The following COG4 variants were observed in gnomAD, a reference collection of about 807,000 sequenced individuals.
COG4 encodes the protein component of oligomeric golgi complex 4.
Under a neutral mutation model 95.1 loss-of-function variants are expected in COG4, and 65 were observed. The observed-to-expected ratio is 0.68, with a 90% CI of 0.56 to 0.84. COG4 has a LOEUF of 0.84. Among genes scored for constraint, COG4 ranks in the 40% least tolerant of loss-of-function variants. The probability of loss-of-function intolerance (pLI) is 0.00; values close to 1 mark genes in which losing one functional copy is unlikely to be tolerated. For missense variants in COG4, 1,045 were observed against 989.1 expected, an observed-to-expected ratio of 1.06 and a Z score of -0.76; for synonymous variants, 421 against 374.8, an observed-to-expected ratio of 1.12 and a Z score of -1.42.
At chr16:70,497,065 C>T (rs548618197) in intron 11 of COG4, among the ~76,000 whole-genome samples, 156 bp downstream of exon 11, 25 of 152,290 alleles carry the variant, frequency 1.6e-4, no homozygotes, top group Admixed American at 5.9e-4. Flanking sequence ...TGACCAACAG[C>T]TTCCTGGAGC....
intron 12 of COG4, 57 bp downstream of exon 12, chr16:70,496,209 T>C (rs951045514): frequency 8.2e-6 from 13 of 1,587,122 alleles, no homozygotes; most frequent in Non-Finnish European, 8.7e-6. Flanking sequence ...GGCTTAGCAG[T>C]GATAGCGTAA....
Position 70,514,464 on chromosome 16 carries a change from G to A in COG4, c.415C>T (p.Leu139=), listed in dbSNP as rs2049780903. ...AIQRADDILD[L]KFCMDGVQTA... ...TGAACTCCATCCATGCAGAACTTCA[G>A]GTCCAAGATGTCATCAGCTCTCTGA... The change falls in exon 4 of 19, where the codon CTG becomes TTG. Residue 139 remains leucine (L), a synonymous_variant. Transcript: ENST00000323786. 1 of 1,614,014 alleles carries A rather than the reference G, an allele frequency of 6.2e-7. No homozygotes were observed. The highest frequency in any genetic ancestry group is 1.7e-5 in the Admixed American group (1 of 59,986).
chr16:70,522,914 C>G (rs1248517251), intron 1 of COG4, among the ~76,000 whole-genome samples: 1 of 152,158 alleles, frequency 6.6e-6, no homozygotes, highest in East Asian at 1.9e-4. Flanking sequence ...AATCACACCC[C>G]CAAATCACTC....
At chr16:70,481,963 G>A (rs945038367) in intron 16 of COG4, 98 bp from the exon 17 acceptor site, 3 of 1,356,560 alleles carry the variant, frequency 2.2e-6, no homozygotes, top group Non-Finnish European at 3.2e-6. Flanking sequence ...AGGCCACGGG[G>A]GAGTTTCTAC....
At chr16:70,490,805 GC>G (rs2049228279) in intron 12 of COG4, among the ~76,000 whole-genome samples, 1 of 151,634 alleles carries the variant, frequency 6.6e-6, no homozygotes, top group Non-Finnish European at 1.5e-5. Context: ...GACAACAGGC[GC>G]CCGCCACTAC....
At chr16:70,487,400 C>T (rs2049160745) in intron 13 of COG4, among the ~76,000 whole-genome samples, 1 of 152,070 alleles carries the variant, frequency 6.6e-6, no homozygotes. Context: ...AGTTCGAGAC[C>T]AGCCTGGCCA....
At chr16:70,515,578 G>A (rs1462729233) in intron 3 of COG4, among the ~76,000 whole-genome samples, 7 of 152,088 alleles carry the variant, frequency 4.6e-5, no homozygotes, top group East Asian at 3.9e-4. Context: ...CAGCTACTCG[G>A]GAGGCTGAGA....
intron 8 of COG4, among the ~76,000 whole-genome samples, chr16:70,503,907 T>A (rs2049506080): frequency 6.6e-6 from 1 of 152,172 alleles, no homozygotes. Flanking sequence ...TCCTACTTAC[T>A]CTTAAGGTCT....
intron 8 of COG4, among the ~76,000 whole-genome samples, chr16:70,502,151 G>A (rs1217866221): frequency 4.6e-5 from 7 of 151,356 alleles, no homozygotes; most frequent in Non-Finnish European, 8.8e-5. Context: ...GTGTGGTGGC[G>A]CATGCCTGTA....
chr16:70,500,987 T>A lies in COG4; in HGVS notation c.1166A>T (p.Asp389Val), dbSNP rs754786336. 1.9e-6 allele frequency: 3 copies of A among 1,613,980 alleles called. No homozygotes were observed. Among genetic ancestry groups the A allele is most frequent in the Admixed American group, 3.3e-5 (2 of 59,990 alleles). ...KRISSDFEVG[D>V]SMASEEVKQE... ...CTTTACTTCCTCTGAGGCCATGGAG[T>A]CTCCCACCTCAAAATCAGAGCTAAT... Residue 389 changes from aspartate to valine, a missense_variant, in exon 9 of 19, where the codon GAC (aspartate) becomes GTC (valine). By Grantham distance (152) the Asp-to-Val change is radical. Coordinates refer to ENST00000323786, the MANE Select transcript of COG4 (RefSeq NM_015386.3).
At chr16:70,508,891 C>A in intron 7 of COG4, 1 of 536,272 alleles carries the variant, frequency 1.9e-6, no homozygotes, top group Non-Finnish European at 3.5e-6. Flanking sequence ...ATTACTTGGA[C>A]ACTTAATAGG....
In COG4 at chr16:70,491,457, G is replaced by T. The variant is rs1204037369; in HGVS notation, c.1648-1065C>A. ...ATCGCTTGAACCTGGGAGATGAGAG[G>T]TTGCAGTGAGCTGAAATTGTGTCAC... is the stretch of plus-strand genomic sequence containing the variant. On this transcript the variant is annotated intron_variant, in intron 12 of 18. Coordinates refer to ENST00000323786, the MANE Select transcript of COG4 (RefSeq NM_015386.3). Among the ~76,000 whole-genome samples the T allele has an allele frequency of 2.2e-5, 3 of 136,102 alleles. No individual in the cohort carries two copies. In the South Asian group the frequency reaches 7.5e-4, roughly 34 times the overall value. The allele number at this position is 136,102 out of a possible 152,430, so 89.3% of individuals were successfully genotyped here.
rs545327281 is a variant in COG4, at chr16:70,484,679, C to T, written c.1711-710G>A. ...ACTTTGGGAGGCCAAGGTGCAAGGA[C>T]CACTTGCGGCCAGAGTTTAAGAACA... is the stretch of plus-strand genomic sequence containing the variant. On this transcript the variant is annotated intron_variant, in intron 13 of 18. Coordinates refer to ENST00000323786, the MANE Select transcript of COG4 (RefSeq NM_015386.3). 7.9e-5 allele frequency among the ~76,000 whole-genome samples: 12 copies of T among 152,142 alleles called. No individual in the cohort carries two copies. The East Asian group carries it at 2.3e-3, about 29-fold the overall frequency.
At chr16:70,501,587 C>G (rs933401557) in intron 8 of COG4, 2 of 162,944 alleles carry the variant, frequency 1.2e-5, no homozygotes, top group Admixed American at 1.2e-4. Flanking sequence ...ATCTCCTGAC[C>G]TCGTGATCCG....
intron 6 of COG4, 99 bp downstream of exon 6, chr16:70,509,817 T>C: frequency 1.2e-6 from 1 of 866,592 alleles, no homozygotes; most frequent in Admixed American, 1.9e-5. Context: ...AACTACATGA[T>C]TAAATTAAAG....
Position 70,482,121 on chromosome 16 carries a change from T to G in COG4, c.1975A>C (p.Asn659His). The G allele has an allele frequency of 6.2e-7, 1 of 1,614,016 alleles. No homozygotes were observed. Among genetic ancestry groups the G allele is most frequent in the Non-Finnish European group, 8.5e-7 (1 of 1,179,942 alleles). The change falls in exon 16 of 19, where the codon AAC (asparagine) becomes CAC (histidine). Residue 659 changes from asparagine (N) to histidine (H), a missense_variant. Transcript: ENST00000323786. ...AACTCTGCCATTTGCTGCTCCAGGT[T>G]AAGGATGAACTGTTGTACCCAAGGG... The part of the protein sequence containing the change: ...NDPWVQQFIL[N>H]LEQQMAEFKA...
rs1264692807 is a variant in COG4, at chr16:70,495,162, G to A, written c.1647+1104C>T. ...TCCCAACACTTTGGGAGGCCAAGACGGGTGGATCACTTGAGGTCAGAAGTT... is the reference window on the plus strand; with the variant it reads ...TCCCAACACTTTGGGAGGCCAAGACAGGTGGATCACTTGAGGTCAGAAGTT... On this transcript the variant is annotated intron_variant, in intron 12 of 18. Coordinates refer to ENST00000323786, the MANE Select transcript of COG4 (RefSeq NM_015386.3). 8.6e-5 allele frequency among the ~76,000 whole-genome samples: 13 copies of A among 151,718 alleles called. No homozygotes were observed. In the East Asian group the frequency reaches 1.5e-3, roughly 18 times the overall value.
intron 4 of COG4, among the ~76,000 whole-genome samples, chr16:70,513,957 C>T (rs2049766429): frequency 1.3e-5 from 2 of 152,302 alleles, no homozygotes; most frequent in South Asian, 4.1e-4. Flanking sequence ...CCTGTAATCC[C>T]AGCACTTTGG....
rs1420215022 is a variant in COG4 at position 70,482,780 on chromosome 16, C to T, written c.1869G>A (p.Gln623=). 6.2e-7 allele frequency: 1 copy of T among 1,613,920 alleles called. No homozygotes were observed. The highest frequency in any genetic ancestry group is 8.5e-7 in the Non-Finnish European group (1 of 1,179,908). Residue 623 remains glutamine, a synonymous_variant, in exon 15 of 19, where the codon CAG becomes CAA. Transcript: ENST00000323786. ...TELNSTAIKP[Q]VQPWINSFFS... ...AAAAGCTGTTGATCCAAGGCTGCAC[C>T]TGTGGCTTGATGGCTGTGCTGTTGA... is the stretch of plus-strand genomic sequence containing the variant.
Sources: gnomAD v4.1 joint callset for allele counts (sites outside exome capture counted in the v4.1 genomes callset) on GRCh38, gnomAD v4.1.1 for gene constraint, MANE v1.5 for transcripts, NCBI Gene and HGNC (gene_info 2026-07-23, HGNC 2026-07-21) for gene names.